SHANK2: variants seen among roughly 807,000 people sequenced by gnomAD.
The protein encoded by SHANK2 is SH3 and multiple ankyrin repeat domains 2.
Under a neutral mutation model 133.7 loss-of-function variants are expected in SHANK2, and 43 were observed. The ratio of observed to expected loss-of-function variants is 0.32; its 90% CI spans 0.25 to 0.41. The LOEUF (loss-of-function observed/expected upper bound fraction) is 0.41. SHANK2 is among the 10% of genes least tolerant of loss of function. The probability of loss-of-function intolerance (pLI) is 1.00; values close to 1 mark genes in which losing one functional copy is unlikely to be tolerated. For missense variants in SHANK2, 1,994 were observed against 2,235.8 expected (o/e 0.89, Z 2.18); for synonymous variants, 1,017 against 952.8 (o/e 1.07, Z -1.24).
chr11:70,861,599 G>A (rs979575203), intron 11 of SHANK2, among the ~76,000 whole-genome samples: 2 of 152,132 alleles, frequency 1.3e-5, no homozygotes, highest in African/African-American at 4.8e-5. Context: ...CCATGTCAGA[G>A]TTAATTGCAC....
chr11:71,208,454 T>C (rs1555118360), intron 2 of SHANK2, among the ~76,000 whole-genome samples: 1 of 152,012 alleles, frequency 6.6e-6, no homozygotes, highest in African/African-American at 2.4e-5. Context: ...GCTTTCCAAA[T>C]CTCGGATAGC....
At chr11:70,595,035 T>A (rs1372235119) in intron 17 of SHANK2, among the ~76,000 whole-genome samples, 2 of 152,276 alleles carry the variant, frequency 1.3e-5, no homozygotes, top group East Asian at 3.9e-4. Flanking sequence ...AGGCTTCACA[T>A]CTGGGTGGGC....
chr11:71,109,135 G>A (rs117250990), intron 6 of SHANK2, among the ~76,000 whole-genome samples: 3,267 of 152,290 alleles, frequency 0.021, 41 homozygotes, highest in African/African-American at 0.036. Flanking sequence ...TCCAGGAGGA[G>A]TATTCCCAGC....
chr11:71,237,794 C>T (rs1388715452), intron 1 of SHANK2, among the ~76,000 whole-genome samples: 1 of 152,214 alleles, frequency 6.6e-6, no homozygotes, highest in Non-Finnish European at 1.5e-5. Context: ...CCTCCTCTCT[C>T]TCTCTTTGGT....
At chr11:71,057,265 C>A (rs937047906) in intron 9 of SHANK2, among the ~76,000 whole-genome samples, 27 of 152,072 alleles carry the variant, frequency 1.8e-4, no homozygotes, top group African/African-American at 6.3e-4. Context: ...ACCCAGGAGG[C>A]GGAGGTTGCA....
intron 11 of SHANK2, among the ~76,000 whole-genome samples, chr11:70,842,662 C>T (rs895065558): frequency 6.6e-6 from 1 of 152,172 alleles, no homozygotes; most frequent in African/African-American, 2.4e-5. Context: ...GTCCTGCTCC[C>T]TGCTGTGCCA....
rs988732412 is a variant in SHANK2 at position 70,744,220 on chromosome 11, A to T, written c.1778-45457T>A. ...CCCCCATGGCCGAGGCTTTAGCCCA[A>T]GGCACAGGGTGGGTCTCTGGCCTCC... On this transcript the variant is annotated intron_variant, in intron 14 of 25. Transcript: ENST00000601538. Among the ~76,000 whole-genome samples, 5 of 152,352 alleles carry T rather than the reference A, an allele frequency of 3.3e-5. No individual in the cohort carries two copies. In the South Asian group the frequency reaches 6.2e-4, roughly 19 times the overall value.
chr11:70,508,315 A>G (rs2059159556), intron 17 of SHANK2, among the ~76,000 whole-genome samples: 1 of 152,162 alleles, frequency 6.6e-6, no homozygotes, highest in Non-Finnish European at 1.5e-5. Flanking sequence ...CAGAATGCTC[A>G]GCACCCCTCC....
intron 17 of SHANK2, among the ~76,000 whole-genome samples, chr11:70,565,920 T>TAATACAGTTTTATTA (rs1259017039): frequency 1.1e-4 from 17 of 152,300 alleles, no homozygotes; most frequent in African/African-American, 4.1e-4. Context: ...TGTATTAGTC[T>TAATACAGTTTTATTA]GTTTTCACGC....
At chr11:70,677,020 A>C (rs1015098080) in intron 15 of SHANK2, among the ~76,000 whole-genome samples, 4 of 152,208 alleles carry the variant, frequency 2.6e-5, no homozygotes, top group Admixed American at 6.5e-5. Flanking sequence ...CCACGTATAC[A>C]GGCAATTACT....
At chr11:70,615,269 T>C (rs188204271) in intron 17 of SHANK2, among the ~76,000 whole-genome samples, 1 of 152,282 alleles carries the variant, frequency 6.6e-6, no homozygotes, top group East Asian at 1.9e-4. Context: ...GACTCTGTGA[T>C]GAGGGCCTGA....
At chr11:70,924,339 G>C (rs1438989585) in intron 10 of SHANK2, among the ~76,000 whole-genome samples, 1 of 1,878 alleles carries the variant, frequency 5.3e-4, no homozygotes, top group Non-Finnish European at 1.3e-3. Flanking sequence ...CCTGGGACAC[G>C]CTGCTCCTAG....
At position 70,485,477 on chromosome 11, in the gene SHANK2, C is replaced by T. The variant is rs781901628; in HGVS notation, c.4816G>A (p.Gly1606Ser). ...VLQPRTSKLW[G>S]DVTEIKSPIL... ...GGGCTTTTGATCTCTGTGACGTCGC[C>T]CCACAACTTGGAGGTCCTTGGCTGG... The change falls in exon 25 of 26, where the codon GGC (glycine) becomes AGC (serine). Residue 1606 changes from glycine (G) to serine (S), a missense_variant. By Grantham distance (56) the Gly-to-Ser change is moderately conservative. This residue lies in a region of SHANK2 where 797 missense variants were observed against 907.4 expected (regional missense o/e 0.88). Transcript: ENST00000601538. This position sits in a 1 kb window ranked among gnomAD's most constrained non-coding sequence, Gnocchi z 5.8. 59 of 1,613,762 alleles carry T rather than the reference C, an allele frequency of 3.7e-5. No individual in the cohort carries two copies. Among genetic ancestry groups the T allele is most frequent in the African/African-American group, 5.3e-5 (4 of 74,922 alleles).
At chr11:71,206,683 C>T (rs1954132889) in intron 2 of SHANK2, among the ~76,000 whole-genome samples, 1 of 152,110 alleles carries the variant, frequency 6.6e-6, no homozygotes, top group African/African-American at 2.4e-5. Flanking sequence ...TGTCTGTACC[C>T]CCAGCATTTT....
intron 17 of SHANK2, among the ~76,000 whole-genome samples, chr11:70,544,520 C>T (rs1412395293): frequency 6.6e-6 from 1 of 152,174 alleles, no homozygotes; most frequent in Non-Finnish European, 1.5e-5. Context: ...GTGTATGGTT[C>T]ACCAGGGCCC....
chr11:70,716,895 G>GCCCCCCCCCCCCCCCACCGGACC (rs60827522), intron 14 of SHANK2, among the ~76,000 whole-genome samples: 1 of 138,392 alleles, frequency 7.2e-6, no homozygotes, highest in African/African-American at 2.9e-5. Context: ...GGGTCCCGGA[G>GCCCCCCCCCCCCCCCACCGGACC]CCCCCCCCCC....
Position 70,539,034 on chromosome 11 carries a change from G to A in SHANK2, c.2062-36103C>T, listed in dbSNP as rs59280034. Among the ~76,000 whole-genome samples the A allele has an allele frequency of 8.7e-4, 132 of 152,380 alleles. 1 individual carries two copies. The highest frequency in any genetic ancestry group is 3.1e-3 in the African/African-American group (127 of 41,590). ...AGAACTACTCTGCCTCTCGCTCGGG[G>A]CCGATGTACGGGTTTACTTTTACCT... On this transcript the variant is annotated intron_variant, in intron 17 of 25. Coordinates refer to ENST00000601538, the MANE Select transcript of SHANK2 (RefSeq NM_012309.5).
At chr11:70,720,360 G>A (rs1351305875) in intron 14 of SHANK2, among the ~76,000 whole-genome samples, 1 of 152,228 alleles carries the variant, frequency 6.6e-6, no homozygotes, top group African/African-American at 2.4e-5. Flanking sequence ...GGGGTCTGGT[G>A]TCCACAGCCC....
intron 10 of SHANK2, among the ~76,000 whole-genome samples, chr11:70,921,223 T>C (rs1410485214): frequency 6.6e-6 from 1 of 152,178 alleles, no homozygotes; most frequent in East Asian, 1.9e-4. Flanking sequence ...AAACATATCT[T>C]TCAAAGCATC....
Sources: gnomAD v4.1 joint callset for allele counts (sites outside exome capture counted in the v4.1 genomes callset) on GRCh38, gnomAD v4.1.1 for gene constraint, gnomAD v4.1.1 regional missense constraint, Gnocchi (gnomAD v3.1) non-coding constraint, MANE v1.5 for transcripts, NCBI Gene and HGNC (gene_info 2026-07-23, HGNC 2026-07-21) for gene names.